Variants in ANAPC5 observed in about 807,000 individuals in gnomAD.
ANAPC5 encodes anaphase-promoting complex subunit 5.
Under a neutral mutation model 91.3 loss-of-function variants are expected in ANAPC5, and 60 were observed. The ratio of observed to expected loss-of-function variants is 0.66; its 90% confidence interval spans 0.53 to 0.81. ANAPC5 has a LOEUF of 0.81. Ranked by LOEUF, ANAPC5 falls within the 40% of genes least tolerant of loss-of-function variation. The pLI is 0.00. For synonymous variants in ANAPC5, 340 were observed against 364.1 expected (o/e 0.93, Z 0.75); for missense variants, 690 against 931.5 (o/e 0.74, Z 3.37).
intron 9 of ANAPC5, among the ~76,000 whole-genome samples, chr12:121,329,901 C>T (rs1235770042): frequency 6.6e-6 from 1 of 152,188 alleles, no homozygotes; most frequent in Non-Finnish European, 1.5e-5. Context: ...AGGTGTGAGC[C>T]ACCACGCCCA....
At chr12:121,316,204 T>C (rs1902352991) in intron 15 of ANAPC5, among the ~76,000 whole-genome samples, 1 of 152,098 alleles carries the variant, frequency 6.6e-6, no homozygotes, top group Admixed American at 6.6e-5. Context: ...CTCAACATCA[T>C]TAGTCATTAG....
rs782540524 is a variant in ANAPC5, at chr12:121,345,908, T to A, written c.521A>T (p.Asp174Val). Residue 174 changes from aspartate (D) to valine (V), a missense_variant, in exon 4 of 17, where the codon GAT becomes GTT. Asp to Val is a radical substitution (Grantham distance 152). Coordinates refer to ENST00000261819, the MANE Select transcript of ANAPC5 (RefSeq NM_016237.5). ...NGEKKTVEDADMELTSRDEGE... is the reference protein window; with the variant it reads ...NGEKKTVEDAVMELTSRDEGE... The stretch of plus-strand genomic sequence containing the variant: ...CTCATCTCTACTGGTCAGTTCCATA[T>A]CAGCATCCTCCACTGTCTTTTTCTC... The A allele has an allele frequency of 1.2e-6, 2 of 1,614,212 alleles. No homozygotes were observed. Among genetic ancestry groups the A allele is most frequent in the Non-Finnish European group, 1.7e-6 (2 of 1,180,040 alleles).
intron 8 of ANAPC5, 72 bp from the exon 9 acceptor site, chr12:121,330,744 G>T: frequency 1.6e-6 from 2 of 1,265,234 alleles, no homozygotes; most frequent in Non-Finnish European, 2.3e-6. Context: ...TATCAATGTG[G>T]TCATAAGAAA....
upstream of ANAPC5, chr12:121,352,429 C>A: frequency 9.4e-7 from 1 of 1,058,466 alleles, no homozygotes; most frequent in South Asian, 1.5e-5. Flanking sequence ...CATCTCCGCC[C>A]GCCCTCACAA....
intron 1 of ANAPC5, chr12:121,351,349 G>T: frequency 4.5e-6 from 1 of 224,612 alleles, no homozygotes; most frequent in Non-Finnish European, 9.2e-6. Context: ...CTCCAGCCTG[G>T]GCGACAAAGC....
chr12:121,332,845 T>A (rs1903093056), intron 7 of ANAPC5: 1 of 152,208 alleles, frequency 6.6e-6, no homozygotes, highest in African/African-American at 2.4e-5. Flanking sequence ...TTGATAATAT[T>A]GTAAACATAG....
intron 11 of ANAPC5, among the ~76,000 whole-genome samples, chr12:121,321,662 C>A (rs1294740346): frequency 6.6e-6 from 1 of 151,472 alleles, no homozygotes; most frequent in Admixed American, 6.6e-5. Flanking sequence ...CCCCACCTCC[C>A]GAGTAGCTGG....
At chr12:121,347,697 G>A in intron 2 of ANAPC5, 105 bp downstream of exon 2, 1 of 846,222 alleles carries the variant, frequency 1.2e-6, no homozygotes, top group Non-Finnish European at 1.9e-6. Flanking sequence ...AAACAACCTA[G>A]GGTAATAAAG....
chr12:121,349,903 G>A (rs1903817990), intron 1 of ANAPC5, among the ~76,000 whole-genome samples: 1 of 151,802 alleles, frequency 6.6e-6, no homozygotes, highest in Non-Finnish European at 1.5e-5. Flanking sequence ...TAGAGATGGG[G>A]TTTCACTGTG....
At chr12:121,348,136 C>A (rs1903742437) in intron 1 of ANAPC5, among the ~76,000 whole-genome samples, 1 of 152,156 alleles carries the variant, frequency 6.6e-6, no homozygotes, top group South Asian at 2.1e-4. Context: ...TTCCTTCCTT[C>A]TTAGCTTTGT....
At chr12:121,323,005 C>A (rs1232001601) in intron 11 of ANAPC5, among the ~76,000 whole-genome samples, 1 of 151,888 alleles carries the variant, frequency 6.6e-6, no homozygotes, top group African/African-American at 2.4e-5. Flanking sequence ...AGCCTTGGCC[C>A]CAGAGCAAAA....
chr12:121,352,415 T>G, upstream of ANAPC5: 1 of 1,209,002 alleles, frequency 8.3e-7, no homozygotes, highest in South Asian at 1.4e-5. Flanking sequence ...CACTACCGGG[T>G]CTACATCTCC....
intron 1 of ANAPC5, among the ~76,000 whole-genome samples, chr12:121,350,427 A>C (rs1555275170): frequency 1.3e-5 from 2 of 152,086 alleles, no homozygotes; most frequent in Non-Finnish European, 2.9e-5. Flanking sequence ...CATGCCTGTA[A>C]TCCCAGCACT....
Position 121,335,795 on chromosome 12 carries a change from C to T in ANAPC5, c.760-72G>A, listed in dbSNP as rs782492260. 646 of 1,291,270 alleles carry T rather than the reference C, an allele frequency of 5.0e-4. 1 individual carries two copies. The highest frequency in any genetic ancestry group is 6.7e-4 in the Non-Finnish European group (613 of 919,770). 80.0% of individuals were successfully genotyped at this position (1,291,270 alleles called of 1,614,324 possible). ...TGGTGTAAGACAACTGCAGAGAGTTCCACTGTCTACAAACACTAGTGTATC... is the reference window on the plus strand; with the variant it reads ...TGGTGTAAGACAACTGCAGAGAGTTTCACTGTCTACAAACACTAGTGTATC... On this transcript the variant is annotated intron_variant, in intron 6 of 16. Coordinates refer to ENST00000261819, the MANE Select transcript of ANAPC5 (RefSeq NM_016237.5).
At chr12:121,316,159 CAT>C (rs1902351738) in intron 15 of ANAPC5, among the ~76,000 whole-genome samples, 1 of 152,056 alleles carries the variant, frequency 6.6e-6, no homozygotes, top group Admixed American at 6.6e-5. Context: ...CTCCAAAGAA[CAT>C]ATGCAAATGG....
intron 4 of ANAPC5, among the ~76,000 whole-genome samples, chr12:121,343,342 T>C (rs1314675324): frequency 2.6e-5 from 4 of 152,216 alleles, no homozygotes; most frequent in Non-Finnish European, 5.9e-5. Flanking sequence ...ATAATAATAG[T>C]TAACATTTCT....
Position 121,308,570 on chromosome 12 carries a change from C to G in ANAPC5, c.2178G>C (p.Lys726Asn), listed in dbSNP as rs1219366437. 9.9e-6 allele frequency: 16 copies of G among 1,614,156 alleles called. No homozygotes were observed. The highest frequency in any genetic ancestry group is 1.4e-5 in the Non-Finnish European group (16 of 1,180,012). ...FQARLYHTLG[K>N]TQERNRCAML... is the part of the protein sequence containing the mutation. The stretch of plus-strand genomic sequence containing the variant: ...TCGCACACCGGTTCCTCTCCTGGGT[C>G]TTCCCCAGGGTATGGTAGAGTCTGG... Residue 726 changes from lysine to asparagine, a missense_variant, in exon 17 of 17, where the codon AAG (lysine) becomes AAC (asparagine). By Grantham distance (94) the Lys-to-Asn change is moderately conservative (BLOSUM62 0). Around this residue, in one of 5 missense-constraint regions of ANAPC5, gnomAD observed 317 missense variants for 438.7 expected, o/e 0.72. Transcript: ENST00000261819.
intron 1 of ANAPC5, among the ~76,000 whole-genome samples, chr12:121,350,156 A>C (rs915019395): frequency 6.6e-6 from 1 of 152,138 alleles, no homozygotes; most frequent in Non-Finnish European, 1.5e-5. Context: ...TGGTGTCCTC[A>C]GTTCTCCCCT....
intron 5 of ANAPC5, among the ~76,000 whole-genome samples, chr12:121,339,394 C>T (rs1903360370): frequency 6.6e-6 from 1 of 152,138 alleles, no homozygotes; most frequent in South Asian, 2.1e-4. Context: ...TAAACTTTCA[C>T]TGTCATATTT....
Sources: allele counts gnomAD v4.1 joint callset (sites outside exome capture counted in the v4.1 genomes callset), GRCh38; gene constraint gnomAD v4.1.1; regional missense constraint gnomAD v4.1.1; transcripts MANE v1.5; gene names NCBI Gene and HGNC (gene_info 2026-07-23, HGNC 2026-07-21).